ATP6V0E1: variants seen among roughly 807,000 people sequenced by gnomAD.
ATP6V0E1 encodes V-type proton ATPase subunit e 1.
A neutral mutation model predicts 11.6 loss-of-function variants in ATP6V0E1; 4 were observed. That is an observed-to-expected ratio of 0.35 (90% confidence interval 0.17 to 0.79). The LOEUF (loss-of-function observed/expected upper bound fraction) is 0.79, where lower values mean the gene tolerates loss of function less well. ATP6V0E1 is among the 30% of genes least tolerant of loss of function. ATP6V0E1 has a pLI of 0.54. For synonymous variants in ATP6V0E1, 36 were observed against 34.8 expected, an observed-to-expected ratio of 1.04 and a Z score of -0.13; for missense variants, 105 against 100.0, an observed-to-expected ratio of 1.05 and a Z score of -0.21.
chr5:172,990,229 T>C (rs1755959690), intron 1 of ATP6V0E1, among the ~76,000 whole-genome samples: 1 of 152,082 alleles, frequency 6.6e-6, no homozygotes, highest in South Asian at 2.1e-4. Flanking sequence ...ATGACCTAAA[T>C]AAAGCCCCTG....
chr5:172,988,632 A>G (rs1040046569), intron 1 of ATP6V0E1, among the ~76,000 whole-genome samples: 3 of 152,192 alleles, frequency 2.0e-5, no homozygotes, highest in African/African-American at 7.2e-5. Context: ...CCTCTTGAAA[A>G]TACTGCAAAT....
chr5:173,001,517 C>G, intron 2 of ATP6V0E1, among the ~76,000 whole-genome samples: 1 of 152,254 alleles, frequency 6.6e-6, no homozygotes, highest in Middle Eastern at 3.4e-3. Flanking sequence ...ACTGGCCTTT[C>G]TGGGTCCTGG....
chr5:172,994,674 C>T (rs1471046977), intron 1 of ATP6V0E1, 101 bp from the exon 2 acceptor site: 12 of 955,414 alleles, frequency 1.3e-5, no homozygotes, highest in Admixed American at 2.7e-5. Flanking sequence ...GTGTGCAATC[C>T]ATGCCAGTTT....
intron 3 of ATP6V0E1, among the ~76,000 whole-genome samples, chr5:173,027,178 CAAAAA>C (rs1158447516): frequency 3.8e-5 from 1 of 26,046 alleles, no homozygotes; most frequent in Non-Finnish European, 7.2e-5. Flanking sequence ...GACTCCGTCT[CAAAAA>C]AAAAAAAAAA....
chr5:172,995,243 A>G (rs1174526496), intron 2 of ATP6V0E1, among the ~76,000 whole-genome samples: 1 of 152,202 alleles, frequency 6.6e-6, no homozygotes, highest in Non-Finnish European at 1.5e-5. Context: ...GGCTGGGGTT[A>G]CAGGCACACG....
At chr5:173,019,125 T>A (rs1388096084) in intron 2 of ATP6V0E1, among the ~76,000 whole-genome samples, 2 of 152,106 alleles carry the variant, frequency 1.3e-5, no homozygotes, top group Admixed American at 6.5e-5. Context: ...AGTGAATTTT[T>A]AAAATTTTTT....
intron 1 of ATP6V0E1, 25 bp from the exon 2 acceptor site, chr5:172,994,750 C>T: frequency 1.3e-6 from 2 of 1,494,496 alleles, no homozygotes. Flanking sequence ...TATTTAATGA[C>T]ATTTGCATTT....
rs1475543362 is a variant in ATP6V0E1, at chr5:172,994,517, A to G, written c.105-258A>G. On this transcript the variant is annotated intron_variant, in intron 1 of 3. Transcript: ENST00000519374. The stretch of plus-strand genomic sequence containing the variant: ...ACTGCGGCCTTTCCTGTTCAGTTTC[A>G]GATAAATTTGGATTGGACAGCTACA... Among the ~76,000 whole-genome samples the G allele has an allele frequency of 3.9e-5, 6 of 152,196 alleles. No individual in the cohort carries two copies. In the East Asian group the frequency reaches 9.6e-4, roughly 24 times the overall value.
At chr5:173,025,811 A>G (rs375203702) in intron 3 of ATP6V0E1, among the ~76,000 whole-genome samples, 5 of 151,862 alleles carry the variant, frequency 3.3e-5, no homozygotes, top group East Asian at 3.9e-4. Flanking sequence ...TACTTTCAAG[A>G]TAACACCAGT....
intron 2 of ATP6V0E1, among the ~76,000 whole-genome samples, chr5:173,018,441 G>A (rs1265582020): frequency 6.6e-6 from 1 of 152,114 alleles, no homozygotes; most frequent in Non-Finnish European, 1.5e-5. Context: ...GGGAGGTGGA[G>A]GCAGGACAGG....
At chr5:172,997,210 A>G (rs1438913208) in intron 2 of ATP6V0E1, among the ~76,000 whole-genome samples, 3 of 152,226 alleles carry the variant, frequency 2.0e-5, no homozygotes, top group Non-Finnish European at 4.4e-5. Flanking sequence ...AATTCTCCAC[A>G]CCAGAAGGTA....
intron 3 of ATP6V0E1, among the ~76,000 whole-genome samples, chr5:173,030,679 G>A (rs1756635959): frequency 6.6e-6 from 1 of 151,860 alleles, no homozygotes; most frequent in Admixed American, 6.6e-5. Context: ...GATCTCAGGT[G>A]ATCCGCCCCG....
At chr5:173,019,782 C>T (rs1756453311) in intron 2 of ATP6V0E1, among the ~76,000 whole-genome samples, 1 of 152,100 alleles carries the variant, frequency 6.6e-6, no homozygotes, top group Admixed American at 6.6e-5. Context: ...TGATAAGCTA[C>T]AATCAAACCT....
chr5:173,013,458 C>G (rs1756360221), intron 2 of ATP6V0E1, among the ~76,000 whole-genome samples: 1 of 151,544 alleles, frequency 6.6e-6, no homozygotes, highest in Admixed American at 6.6e-5. Context: ...GCCTGTAGTC[C>G]CAGCTACTCC....
chr5:173,001,751 T>G (rs1280936910), intron 2 of ATP6V0E1, among the ~76,000 whole-genome samples: 1 of 150,468 alleles, frequency 6.6e-6, no homozygotes, highest in African/African-American at 2.5e-5. Flanking sequence ...GGAGTTTCAC[T>G]CTTGTTGTCC....
intron 3 of ATP6V0E1, chr5:173,020,805 C>T (rs1313230658): frequency 1.9e-6 from 1 of 519,748 alleles, no homozygotes; most frequent in South Asian, 1.4e-5. Flanking sequence ...GTCTTGTCTT[C>T]ATCCGGTTGC....
intron 1 of ATP6V0E1, among the ~76,000 whole-genome samples, chr5:172,987,572 C>T (rs1227202824): frequency 6.6e-6 from 1 of 152,058 alleles, no homozygotes; most frequent in Admixed American, 6.6e-5. Flanking sequence ...GTGTGAGCTG[C>T]CACACCCGGC....
intron 3 of ATP6V0E1, chr5:173,020,721 G>A (rs1333734288): frequency 3.8e-6 from 2 of 519,524 alleles, no homozygotes; most frequent in African/African-American, 1.9e-5. Context: ...AATTGAGCAG[G>A]TTTCTTTCCA....
rs190093953 is a variant in ATP6V0E1, at chr5:173,024,095, A to C, written c.*36+3728A>C. Among the ~76,000 whole-genome samples the C allele has an allele frequency of 3.9e-3, 580 of 150,214 alleles. 1 individual carries two copies. The highest frequency in any genetic ancestry group is 0.014 in the African/African-American group (560 of 40,934). ...CGCCTGTAGTCCCAGCGACTTGGGAAGCTGAGGTAGGAGAATGGCATGAAC... is the reference window on the plus strand; with the variant it reads ...CGCCTGTAGTCCCAGCGACTTGGGACGCTGAGGTAGGAGAATGGCATGAAC... On this transcript the variant is annotated intron_variant, in intron 3 of 3. Transcript: ENST00000519374.
Sources: allele counts gnomAD v4.1 joint callset (sites outside exome capture counted in the v4.1 genomes callset), GRCh38; gene constraint gnomAD v4.1.1; transcripts MANE v1.5; gene names NCBI Gene and HGNC (gene_info 2026-07-23, HGNC 2026-07-21).